Variants in SLC35B2 observed in about 807,000 individuals in gnomAD.
SLC35B2 encodes solute carrier family 35 member B2.
A neutral mutation model predicts 37.9 loss-of-function variants in SLC35B2; 19 were observed. That is an observed-to-expected ratio of 0.50 (90% CI 0.35 to 0.74). The LOEUF is 0.74. Among genes scored for constraint, SLC35B2 ranks in the 30% least tolerant of loss-of-function variants. SLC35B2 has a pLI of 0.01. For missense variants in SLC35B2, 633 were observed against 547.6 expected (o/e 1.16, Z -1.56); for synonymous variants, 277 against 225.2 (o/e 1.23, Z -2.06).
chr6:44,256,590 ACCTCCCGC>A (rs1781534974), intron 2 of SLC35B2, 87 bp downstream of exon 2: 3 of 1,610,904 alleles, frequency 1.9e-6, no homozygotes, highest in Non-Finnish European at 2.5e-6. Flanking sequence ...CGGCCTACCG[ACCTCCCGC>A]CCTCTCCAAG....
intron 2 of SLC35B2, 27 bp downstream of exon 2, chr6:44,256,658 T>C: frequency 6.2e-7 from 1 of 1,613,590 alleles, no homozygotes; most frequent in South Asian, 1.1e-5. Flanking sequence ...CCGACCTAGC[T>C]CACTTCCCCG....
rs1781151952 is a variant in SLC35B2, at chr6:44,254,510, C to T, written c.*196G>A. 12 of 624,740 alleles carry T rather than the reference C, an allele frequency of 1.9e-5. No individual in the cohort carries two copies. In the South Asian group the frequency reaches 2.5e-4, roughly 13 times the overall value. The allele number at this position is 624,740 out of a possible 1,614,324, so 38.7% of individuals were successfully genotyped here. ...TACCCCCGGGGCTCAGAATAAACTGCTTACTGGAAGATGGGTGACTTAAGG... is the reference window on the plus strand; with the variant it reads ...TACCCCCGGGGCTCAGAATAAACTGTTTACTGGAAGATGGGTGACTTAAGG... On this transcript the variant is annotated 3_prime_UTR_variant, in exon 4 of 4. Transcript: ENST00000393812.
At chr6:44,257,109 C>T in intron 1 of SLC35B2, 1 of 611,302 alleles carries the variant, frequency 1.6e-6, no homozygotes, top group Non-Finnish European at 2.8e-6. Context: ...TCTGGCCACA[C>T]AGGTCTCCTC....
chr6:44,255,320 G>A lies in SLC35B2; in HGVS notation c.685C>T (p.Leu229Phe). Residue 229 changes from leucine to phenylalanine, a missense_variant, in exon 4 of 4, where the codon CTT (leucine) becomes TTT (phenylalanine). By Grantham distance (22) the Leu-to-Phe change is conservative (BLOSUM62 0). Coordinates refer to ENST00000393812, the MANE Select transcript of SLC35B2 (RefSeq NM_178148.4). The part of the protein sequence containing the change: ...KVIPVMLMGK[L>F]VSRRSYEHWE... ...TGTTCGTAGCTGCGCCGAGACACAAGCTTTCCCATCAGCATGACAGGGATC... is the reference window on the plus strand; with the variant it reads ...TGTTCGTAGCTGCGCCGAGACACAAACTTTCCCATCAGCATGACAGGGATC... 6.2e-7 allele frequency: 1 copy of A among 1,614,270 alleles called. No homozygotes were observed. Among genetic ancestry groups the A allele is most frequent in the East Asian group, 2.2e-5 (1 of 44,884 alleles).
At chr6:44,257,086 G>A (rs1361565496) in intron 1 of SLC35B2, 4 of 638,690 alleles carry the variant, frequency 6.3e-6, no homozygotes, top group Non-Finnish European at 1.0e-5. Context: ...CTCCCCGGGG[G>A]CGGATCCGCC....
Position 44,254,675 on chromosome 6 carries a change from T to C in SLC35B2, c.*31A>G, listed in dbSNP as rs1225153237. The C allele has an allele frequency of 6.3e-7, 1 of 1,575,582 alleles. No homozygotes were observed. The highest frequency in any genetic ancestry group is 1.7e-4 in the Middle Eastern group (1 of 5,854). On this transcript the variant is annotated 3_prime_UTR_variant, in exon 4 of 4. Transcript: ENST00000393812. Reference sequence around the variant, plus strand: ...AGAAGGGGATGGTGGGAGGGTCCTATTTCACTTCACCCCTCAGGCCCTTTC... The same window carrying C: ...AGAAGGGGATGGTGGGAGGGTCCTACTTCACTTCACCCCTCAGGCCCTTTC...
chr6:44,257,517 GC>G lies in SLC35B2; in HGVS notation c.-108del. 9.1e-7 allele frequency: 1 copy of G among 1,103,982 alleles called. No individual in the cohort carries two copies. Among genetic ancestry groups the G allele is most frequent in the Non-Finnish European group, 1.1e-6 (1 of 870,074 alleles). 68.4% of individuals were successfully genotyped at this position (1,103,982 alleles called of 1,614,324 possible). On this transcript the variant is annotated 5_prime_UTR_variant, in exon 1 of 4. Transcript: ENST00000393812. ...TCCAGGAGCGGCCAGCGAGCCAGCG[GC>G]CAGCGGAAGTGCCGCGCTCTTCCCG... is the stretch of plus-strand genomic sequence containing the variant.
Position 44,257,486 on chromosome 6 carries a change from G to A in SLC35B2, c.-76C>T, listed in dbSNP as rs1221269970. ...GCCGCGCGCCCCCTGCGCTCCCGCC[G>A]CCGCCTCCAGGAGCGGCCAGCGAGC... On this transcript the variant is annotated 5_prime_UTR_variant, in exon 1 of 4. Coordinates refer to ENST00000393812, the MANE Select transcript of SLC35B2 (RefSeq NM_178148.4). 1.4e-5 allele frequency: 17 copies of A among 1,220,192 alleles called. No homozygotes were observed. The South Asian group carries it at 2.9e-4, about 21-fold the overall frequency. The allele number at this position is 1,220,192 out of a possible 1,614,324, so 75.6% of individuals were successfully genotyped here. A position where few individuals can be genotyped will look rare whatever the true frequency, so the allele number is the denominator to read the frequency against.
intron 1 of SLC35B2, 137 bp downstream of exon 1, chr6:44,257,263 T>TC (rs1320320312): frequency 2.0e-6 from 2 of 1,020,626 alleles, no homozygotes; most frequent in East Asian, 3.3e-5. Flanking sequence ...GCAGCTCCCA[T>TC]CCCCGCTGGC....
In SLC35B2 at chr6:44,257,464, G is replaced by A. The variant is rs1781694345; in HGVS notation, c.-54C>T. 6 of 1,241,626 alleles carry A rather than the reference G, an allele frequency of 4.8e-6. No homozygotes were observed. The highest frequency in any genetic ancestry group is 3.2e-5 in the East Asian group (1 of 31,588). 76.9% of individuals were successfully genotyped at this position (1,241,626 alleles called of 1,614,324 possible). ...ACCGGGGAATGCGAGTCCCCGGGCC[G>A]CGCGCCCCCTGCGCTCCCGCCGCCG... On this transcript the variant is annotated 5_prime_UTR_variant, in exon 1 of 4. Coordinates refer to ENST00000393812, the MANE Select transcript of SLC35B2 (RefSeq NM_178148.4).
Position 44,254,437 on chromosome 6 carries a change from A to G in SLC35B2, c.*269T>C, listed in dbSNP as rs993573576. 9 of 458,742 alleles carry G rather than the reference A, an allele frequency of 2.0e-5. No individual in the cohort carries two copies. The highest frequency in any genetic ancestry group is 1.2e-4 in the African/African-American group (6 of 51,110). The allele number at this position is 458,742 out of a possible 1,614,324, so 28.4% of individuals were successfully genotyped here. ...TGGGAAGAGTAACTGGAACCTACCT[A>G]TGCTCTCTTGACCCCAAACTCCCCA... On this transcript the variant is annotated 3_prime_UTR_variant, in exon 4 of 4. Transcript: ENST00000393812.
At chr6:44,255,698 G>A in intron 3 of SLC35B2, 54 bp from the exon 4 acceptor site, 1 of 1,490,616 alleles carries the variant, frequency 6.7e-7, no homozygotes, top group Non-Finnish European at 9.1e-7. Flanking sequence ...TGAAAAGGTA[G>A]ACAAAAATTG....
Position 44,254,719 on chromosome 6 carries a change from A to T in SLC35B2, c.1286T>A (p.Val429Glu). ...CCCTTTCCACCCTCAAACCTTCTGC[A>T]CAGGAGACTCAACAGGCACAGCCTT... The part of the protein sequence containing the change: ...GKKAVPVESP[V>E]QKV The change falls in exon 4 of 4, where the codon GTG (valine) becomes GAG (glutamate). Residue 429 changes from valine (V) to glutamate (E), a missense_variant. Val to Glu is a moderately radical substitution (Grantham distance 121). Transcript: ENST00000393812. 1 of 1,612,032 alleles carries T rather than the reference A, an allele frequency of 6.2e-7. No homozygotes were observed. The highest frequency in any genetic ancestry group is 8.5e-7 in the Non-Finnish European group (1 of 1,178,432).
chr6:44,254,222 T>C lies in SLC35B2; in HGVS notation c.*484A>G. On this transcript the variant is annotated 3_prime_UTR_variant, in exon 4 of 4. Coordinates refer to ENST00000393812, the MANE Select transcript of SLC35B2 (RefSeq NM_178148.4). ...CCTAGGGATCCAGGAGCATAGGAGGTGGTGGTGCTGGGCAGGGCTCTGCAT... is the reference window on the plus strand; with the variant it reads ...CCTAGGGATCCAGGAGCATAGGAGGCGGTGGTGCTGGGCAGGGCTCTGCAT... 4.9e-6 allele frequency: 1 copy of C among 202,632 alleles called. No homozygotes were observed. The allele number at this position is 202,632 out of a possible 1,614,324, so 12.6% of individuals were successfully genotyped here.
rs764005927 is a variant in SLC35B2 at position 44,256,470 on chromosome 6, T to C, written c.232A>G (p.Lys78Glu). The C allele has an allele frequency of 8.5e-5, 137 of 1,614,002 alleles. 1 individual carries two copies. In the East Asian group the frequency reaches 3.1e-3, roughly 36 times the overall value. ...GGCTCATTGCCAAACACACAAGCTT[T>C]CACCAGGGGAAAGCAGAGGCCCCTA... ...TGRGLCFPLV[K>E]ACVFGNEPKA... The change falls in exon 3 of 4, where the codon AAA becomes GAA. Residue 78 changes from lysine to glutamate, a missense_variant. Transcript: ENST00000393812.
chr6:44,255,469 T>C lies in SLC35B2; in HGVS notation c.536A>G (p.His179Arg). 1 of 1,614,210 alleles carries C rather than the reference T, an allele frequency of 6.2e-7. No homozygotes were observed. Among genetic ancestry groups the C allele is most frequent in the Non-Finnish European group, 8.5e-7 (1 of 1,180,044 alleles). ...GGAGTACCGGTACATGGGTGCCCCA[T>C]GCCGGGGCTGCTTGCAGAGAACACA... ...LSCVLCKQPRHGAPMYRYSFA... is the reference protein window; with the variant it reads ...LSCVLCKQPRRGAPMYRYSFA... Residue 179 changes from histidine to arginine, a missense_variant, in exon 4 of 4, where the codon CAT becomes CGT. Physicochemically the swap from His to Arg is conservative, Grantham distance 29 (BLOSUM62 0). Coordinates refer to ENST00000393812, the MANE Select transcript of SLC35B2 (RefSeq NM_178148.4).
At position 44,255,208 on chromosome 6, in the gene SLC35B2, G is replaced by GCTGGGGAGCTGCGGGGCT; in HGVS notation, c.779_796dup (p.Glu260_Pro265dup). 3 of 1,614,256 alleles carry GCTGGGGAGCTGCGGGGCT rather than the reference G, an allele frequency of 1.9e-6. No homozygotes were observed. Among genetic ancestry groups the GCTGGGGAGCTGCGGGGCT allele is most frequent in the South Asian group, 2.2e-5 (2 of 91,090 alleles). On this transcript the variant is annotated inframe_insertion, in exon 4 of 4. Coordinates refer to ENST00000393812, the MANE Select transcript of SLC35B2 (RefSeq NM_178148.4). The stretch of plus-strand genomic sequence containing the variant: ...TAAGATGAGGCCTGAGAGTGTGGTG[G>GCTGGGGAGCTGCGGGGCT]CTGGGGAGCTGCGGGGCTCTGGTCC...
rs2153328166 is a variant in SLC35B2 at position 44,256,716 on chromosome 6, C to T, written c.174G>A (p.Gln58=). 6.2e-7 allele frequency: 1 copy of T among 1,614,180 alleles called. No individual in the cohort carries two copies. Among genetic ancestry groups the T allele is most frequent in the Non-Finnish European group, 8.5e-7 (1 of 1,180,022 alleles). Residue 58 remains glutamine, a synonymous_variant, in exon 2 of 4, where the codon CAG becomes CAA. Transcript: ENST00000393812. Reference sequence around the variant, plus strand: ...CCAGGTAGTTCTTCCGCCTGAAGTACTGCACCAGGAGGTAGCCAGGTACCA... The same window carrying T: ...CCAGGTAGTTCTTCCGCCTGAAGTATTGCACCAGGAGGTAGCCAGGTACCA... ...SFMVPGYLLV[Q]YFRRKNYLET... is the part of the protein sequence containing the mutation.
upstream of SLC35B2, chr6:44,257,599 G>A (rs560403914): frequency 6.4e-5 from 22 of 344,082 alleles, no homozygotes; most frequent in South Asian, 2.4e-3. Flanking sequence ...GCCCCGGGCC[G>A]CCGCCGGACC....
Sources: gnomAD v4.1 joint callset for allele counts on GRCh38, gnomAD v4.1.1 for gene constraint, MANE v1.5 for transcripts, NCBI Gene and HGNC (gene_info 2026-07-23, HGNC 2026-07-21) for gene names.